The following CEP97 variants were observed in gnomAD, a reference collection of about 807,000 sequenced individuals.
The protein encoded by CEP97 is centrosomal protein of 97 kDa.
A neutral mutation model predicts 73.1 loss-of-function variants in CEP97; 43 were observed. The observed-to-expected ratio is 0.59, with a 90% CI of 0.46 to 0.76. The LOEUF (loss-of-function observed/expected upper bound fraction) is 0.76. Among genes scored for constraint, CEP97 ranks in the 30% least tolerant of loss-of-function variants. The probability of loss-of-function intolerance (pLI) is 0.00; values close to 1 mark genes in which losing one functional copy is unlikely to be tolerated. For missense variants in CEP97, 939 were observed against 1,014.0 expected (o/e 0.93, Z 1.00); for synonymous variants, 337 against 370.0 (o/e 0.91, Z 1.02).
chr3:101,740,593 CTT>C (rs529087626), intron 6 of CEP97, among the ~76,000 whole-genome samples: 5 of 144,978 alleles, frequency 3.4e-5, no homozygotes, highest in Admixed American at 1.4e-4. Context: ...CATTGACTTT[CTT>C]TTTTTTTTTT....
chr3:101,756,048 T>TA (rs1938995294), intron 7 of CEP97, among the ~76,000 whole-genome samples: 2 of 151,908 alleles, frequency 1.3e-5, no homozygotes, highest in Admixed American at 1.3e-4. Flanking sequence ...ATAGGATTTT[T>TA]AAAAAATATA....
Position 101,747,661 on chromosome 3 carries a change from A to G in CEP97, c.729-7769A>G, listed in dbSNP as rs554960733. On this transcript the variant is annotated intron_variant, in intron 6 of 10. Coordinates refer to ENST00000341893, the MANE Select transcript of CEP97 (RefSeq NM_024548.4). The stretch of plus-strand genomic sequence containing the variant: ...AACCTCTGCCTCCTTGGTTCAAGCA[A>G]TTCTCCTGCCTCTGCCACCCTAGTA... Among the ~76,000 whole-genome samples, 9 of 149,638 alleles carry G rather than the reference A, an allele frequency of 6.0e-5. No individual in the cohort carries two copies. The South Asian group carries it at 1.9e-3, about 32-fold the overall frequency.
chr3:101,739,991 A>G (rs190687397), intron 6 of CEP97, among the ~76,000 whole-genome samples: 18 of 152,288 alleles, frequency 1.2e-4, no homozygotes, highest in African/African-American at 2.9e-4. Flanking sequence ...AATAAGAGCT[A>G]TTTATGACAA....
At chr3:101,742,100 A>G (rs935591888) in intron 6 of CEP97, among the ~76,000 whole-genome samples, 3 of 152,020 alleles carry the variant, frequency 2.0e-5, no homozygotes, top group Admixed American at 2.0e-4. Context: ...CAGATGCTGG[A>G]GAGGATGTTA....
chr3:101,744,604 TA>T (rs1404306873), intron 6 of CEP97, among the ~76,000 whole-genome samples: 1 of 148,158 alleles, frequency 6.7e-6, no homozygotes, highest in African/African-American at 2.5e-5. Flanking sequence ...AAAAAAAGGA[TA>T]GAGTTACTCT....
In CEP97 at chr3:101,742,501, CA is replaced by C. The variant is rs964487725; in HGVS notation, c.728+9848del. ...ACTAACACAGGAACAGAAAACCAAACACCTGCATGTTCTCACTCATAAGTGG... is the reference window on the plus strand; with the variant it reads ...ACTAACACAGGAACAGAAAACCAAACCCTGCATGTTCTCACTCATAAGTGG... On this transcript the variant is annotated intron_variant, in intron 6 of 10. Transcript: ENST00000341893. 0.011 allele frequency among the ~76,000 whole-genome samples: 13 copies of C among 1,162 alleles called. No individual in the cohort carries two copies. In the Admixed American group the frequency reaches 0.13, roughly 12 times the overall value. The allele number at this position is 1,162 out of a possible 152,430, so 0.8% of individuals were successfully genotyped here. A position where few individuals can be genotyped will look rare whatever the true frequency, so the allele number is the denominator to read the frequency against.
At chr3:101,763,986 G>T (rs141829713) in intron 10 of CEP97, among the ~76,000 whole-genome samples, 197 of 152,306 alleles carry the variant, frequency 1.3e-3, no homozygotes, top group African/African-American at 4.7e-3. Context: ...AGAAGCAAGA[G>T]AATTGCTTTG....
rs995953225 is a variant in CEP97, at chr3:101,724,637, C to CG, written c.-37dup. On this transcript the variant is annotated 5_prime_UTR_variant, in exon 1 of 11. Transcript: ENST00000341893. Reference sequence around the variant, plus strand: ...TCAGATTACAAGCTCCACAGAGCCGCGGGAGGACGGTTGCCTGGTATTATT... The same window carrying CG: ...TCAGATTACAAGCTCCACAGAGCCGCGGGGAGGACGGTTGCCTGGTATTATT... The CG allele has an allele frequency of 6.2e-7, 1 of 1,613,112 alleles. No individual in the cohort carries two copies. Among genetic ancestry groups the CG allele is most frequent in the African/African-American group, 1.3e-5 (1 of 74,908 alleles).
chr3:101,741,506 G>C lies in CEP97; in HGVS notation c.728+8852G>C, dbSNP rs1310243711. 2.6e-5 allele frequency among the ~76,000 whole-genome samples: 4 copies of C among 152,070 alleles called. No homozygotes were observed. In the East Asian group the frequency reaches 7.7e-4, roughly 29 times the overall value. On this transcript the variant is annotated intron_variant, in intron 6 of 10. Transcript: ENST00000341893. ...ACCTACAGAATGGGAGAAAATTTTT[G>C]CAATCTATCCATCTGTCAAAGGACC...
At chr3:101,759,781 A>G (rs999708629) in intron 9 of CEP97, among the ~76,000 whole-genome samples, 1 of 152,130 alleles carries the variant, frequency 6.6e-6, no homozygotes. Flanking sequence ...TCAGTGGTGT[A>G]GAGGGATGAA....
chr3:101,736,221 G>A lies in CEP97; in HGVS notation c.728+3567G>A, dbSNP rs553275236. On this transcript the variant is annotated intron_variant, in intron 6 of 10. Transcript: ENST00000341893. ...TCAGGGGGCTTATAGATAAAACTCCGCATCTCCCAGGGACAGAGCACCTGG... is the reference window on the plus strand; with the variant it reads ...TCAGGGGGCTTATAGATAAAACTCCACATCTCCCAGGGACAGAGCACCTGG... Among the ~76,000 whole-genome samples, 21 of 152,288 alleles carry A rather than the reference G, an allele frequency of 1.4e-4. No individual in the cohort carries two copies. In the East Asian group the frequency reaches 2.1e-3, roughly 15 times the overall value.
intron 6 of CEP97, among the ~76,000 whole-genome samples, chr3:101,745,367 TCTTCTG>T (rs1938580714): frequency 6.6e-6 from 1 of 152,164 alleles, no homozygotes; most frequent in Non-Finnish European, 1.5e-5. Flanking sequence ...CTCAAACGAT[TCTTCTG>T]CTTCAGCCTC....
chr3:101,742,530 G>A (rs1165178937), intron 6 of CEP97, among the ~76,000 whole-genome samples: 1 of 152,084 alleles, frequency 6.6e-6, no homozygotes, highest in Non-Finnish European at 1.5e-5. Flanking sequence ...ATAAGTGGGA[G>A]TTGAACAATG....
At chr3:101,752,434 G>T (rs1360257866) in intron 6 of CEP97, among the ~76,000 whole-genome samples, 1 of 152,098 alleles carries the variant, frequency 6.6e-6, no homozygotes, top group Non-Finnish European at 1.5e-5. Context: ...GAATCTGAAT[G>T]TTGGCCTGCC....
At position 101,728,855 on chromosome 3, in the gene CEP97, G is replaced by C; in HGVS notation, c.365G>C (p.Ser122Thr). 6.8e-6 allele frequency: 11 copies of C among 1,606,980 alleles called. No individual in the cohort carries two copies. Among genetic ancestry groups the C allele is most frequent in the Non-Finnish European group, 8.5e-6 (10 of 1,173,490 alleles). The change falls in exon 4 of 11, where the codon AGC (serine) becomes ACC (threonine). Residue 122 changes from serine (S) to threonine (T), a missense_variant. Transcript: ENST00000341893. ...NNLKAMEQIN[S>T]CTALQHLDLS... ...TGATAGGCCATGGAACAGATCAATA[G>C]CTGCACAGCTCTACAGCATCTCGAT...
chr3:101,752,302 A>G (rs895078679), intron 6 of CEP97, among the ~76,000 whole-genome samples: 1 of 152,098 alleles, frequency 6.6e-6, no homozygotes, highest in Non-Finnish European at 1.5e-5. Context: ...GGGTAACCCG[A>G]CCTTTCTCTC....
chr3:101,749,948 C>T (rs1245277236), intron 6 of CEP97, among the ~76,000 whole-genome samples: 1 of 151,176 alleles, frequency 6.6e-6, no homozygotes, highest in African/African-American at 2.4e-5. Flanking sequence ...TGTAGGTTGC[C>T]TGTTCACTGT....
rs757952892 is a variant in CEP97, at chr3:101,769,827, A to T, written c.*4276A>T. ...TTTAATGATATTGCTTTTACTGATCAAGCTTGTTGTGCCATATTAAAATTA... is the reference window on the plus strand; with the variant it reads ...TTTAATGATATTGCTTTTACTGATCTAGCTTGTTGTGCCATATTAAAATTA... On this transcript the variant is annotated 3_prime_UTR_variant, in exon 11 of 11. Transcript: ENST00000341893. The T allele has an allele frequency of 6.6e-6, 1 of 152,198 alleles. No individual in the cohort carries two copies. Among genetic ancestry groups the T allele is most frequent in the Non-Finnish European group, 1.5e-5 (1 of 68,028 alleles). 9.4% of individuals were successfully genotyped at this position (152,198 alleles called of 1,614,324 possible).
At chr3:101,741,891 A>T (rs1938466948) in intron 6 of CEP97, among the ~76,000 whole-genome samples, 1 of 151,978 alleles carries the variant, frequency 6.6e-6, no homozygotes, top group South Asian at 2.1e-4. Flanking sequence ...AATAGAAAAA[A>T]ATTAGCCAGG....
Sources: allele counts gnomAD v4.1 joint callset (sites outside exome capture counted in the v4.1 genomes callset), GRCh38; gene constraint gnomAD v4.1.1; transcripts MANE v1.5; gene names NCBI Gene and HGNC (gene_info 2026-07-23, HGNC 2026-07-21).